The following GFOD1 variants were observed in gnomAD, a reference collection of about 807,000 sequenced individuals.
The protein encoded by GFOD1 is glucose-fructose oxidoreductase domain-containing protein 1.
In GFOD1, 9 loss-of-function variants were observed where a neutral mutation model predicts 25.4. The observed-to-expected ratio is 0.35, with a 90% confidence interval of 0.21 to 0.62. The LOEUF is 0.62. Among genes scored for constraint, GFOD1 ranks in the 20% least tolerant of loss-of-function variants. GFOD1 has a pLI of 0.72. For missense variants in GFOD1, 403 were observed against 556.9 expected (o/e 0.72, Z 2.78); for synonymous variants, 253 against 245.6 (o/e 1.03, Z -0.28).
chr6:13,389,650 A>T (rs1174462200), intron 1 of GFOD1, among the ~76,000 whole-genome samples: 1 of 152,104 alleles, frequency 6.6e-6, no homozygotes, highest in Admixed American at 6.6e-5. Flanking sequence ...CATTAGGAGA[A>T]ATACCTAATG....
chr6:13,474,667 C>T (rs1758577921), intron 1 of GFOD1, among the ~76,000 whole-genome samples: 1 of 152,212 alleles, frequency 6.6e-6, no homozygotes, highest in Non-Finnish European at 1.5e-5. Context: ...TTTCTCACCA[C>T]AGCTAACATA....
chr6:13,459,674 C>G (rs368527265), intron 1 of GFOD1, among the ~76,000 whole-genome samples: 1 of 152,078 alleles, frequency 6.6e-6, no homozygotes, highest in African/African-American at 2.4e-5. Flanking sequence ...ACAACCCCAT[C>G]AAAAAGTAGG....
At chr6:13,392,431 C>CA (rs1785633470) in intron 1 of GFOD1, among the ~76,000 whole-genome samples, 1 of 149,976 alleles carries the variant, frequency 6.7e-6, no homozygotes, top group Non-Finnish European at 1.5e-5. Context: ...ACTCCTCCAC[C>CA]AAAAAATAAA....
intron 1 of GFOD1, 85 bp downstream of exon 1, chr6:13,486,553 G>T (rs1353281149): frequency 1.3e-5 from 15 of 1,143,164 alleles, no homozygotes; most frequent in Non-Finnish European, 1.5e-5. Context: ...TCTGGGATGC[G>T]GAGAGGGAAA....
chr6:13,486,271 T>A (rs1453070420), intron 1 of GFOD1: 1 of 218,488 alleles, frequency 4.6e-6, no homozygotes, highest in Non-Finnish European at 6.6e-6. Flanking sequence ...ACACACACAC[T>A]TGGACACTAC....
At chr6:13,486,349 C>A (rs1441191942) in intron 1 of GFOD1, 2 of 462,396 alleles carry the variant, frequency 4.3e-6, no homozygotes, top group Non-Finnish European at 7.8e-6. Context: ...GGCATCTGAT[C>A]TTCCTAGTTC....
chr6:13,426,681 C>A (rs1277054723), intron 1 of GFOD1, among the ~76,000 whole-genome samples: 1 of 152,138 alleles, frequency 6.6e-6, no homozygotes, highest in Non-Finnish European at 1.5e-5. Context: ...CCTGAGGATG[C>A]GGAAGCAGAG....
intron 1 of GFOD1, among the ~76,000 whole-genome samples, chr6:13,425,434 C>T (rs1196590371): frequency 2.6e-5 from 4 of 152,128 alleles, no homozygotes; most frequent in Admixed American, 1.3e-4. Flanking sequence ...GTCCTGTGTT[C>T]TTGGCCACTA....
chr6:13,388,552 C>T (rs1584620343), intron 1 of GFOD1, among the ~76,000 whole-genome samples: 1 of 152,192 alleles, frequency 6.6e-6, no homozygotes, highest in South Asian at 2.1e-4. Flanking sequence ...GGAAAACTGG[C>T]TAGCCATATG....
chr6:13,421,976 A>C (rs986742417), intron 1 of GFOD1, among the ~76,000 whole-genome samples: 16 of 152,240 alleles, frequency 1.1e-4, no homozygotes, highest in African/African-American at 3.9e-4. Flanking sequence ...CATGAGCTAC[A>C]TAATTCCTTT....
chr6:13,470,259 C>A (rs1429973179), intron 1 of GFOD1: 1 of 1,594,858 alleles, frequency 6.3e-7, no homozygotes, highest in Admixed American at 1.7e-5. Context: ...TCATGAAGCA[C>A]ATCCCTCCTG....
At chr6:13,470,192 G>C in intron 1 of GFOD1, 1 of 1,578,828 alleles carries the variant, frequency 6.3e-7, no homozygotes, top group Non-Finnish European at 8.6e-7. Context: ...CGCGATGAAC[G>C]CATCTATCTG....
Position 13,466,638 on chromosome 6 carries a change from G to C in GFOD1, c.253+20000C>G, listed in dbSNP as rs149629581. 8.5e-3 allele frequency among the ~76,000 whole-genome samples: 1,289 copies of C among 152,286 alleles called. 7 individuals are homozygous for C. Among genetic ancestry groups the C allele is most frequent in the Non-Finnish European group, 0.012 (817 of 68,024 alleles). On this transcript the variant is annotated intron_variant, in intron 1 of 1. Coordinates refer to ENST00000379287, the MANE Select transcript of GFOD1 (RefSeq NM_018988.4). ...TGCTTGGGATGGATAATATCCCCTTGATCTGCTGCTGATGGCACAGTACTT... is the reference window on the plus strand; with the variant it reads ...TGCTTGGGATGGATAATATCCCCTTCATCTGCTGCTGATGGCACAGTACTT...
At chr6:13,373,505 G>A (rs1785189386) in intron 1 of GFOD1, among the ~76,000 whole-genome samples, 1 of 152,100 alleles carries the variant, frequency 6.6e-6, no homozygotes, top group Admixed American at 6.5e-5. Flanking sequence ...GAAAGATTAA[G>A]CAGAATTGGA....
rs145677040 is a variant in GFOD1, at chr6:13,436,047, T to C, written c.253+50591A>G. ...CGTTCTTGACTTCTAGAAACATTCATCTCTGTTATCGGGGAGTAACAGTGG... is the reference window on the plus strand; with the variant it reads ...CGTTCTTGACTTCTAGAAACATTCACCTCTGTTATCGGGGAGTAACAGTGG... On this transcript the variant is annotated intron_variant, in intron 1 of 1. Transcript: ENST00000379287. 6.1e-3 allele frequency among the ~76,000 whole-genome samples: 925 copies of C among 152,342 alleles called. 1 individual carries two copies. The highest frequency in any genetic ancestry group is 0.014 in the South Asian group (68 of 4,830).
rs58256557 is a variant in GFOD1, at chr6:13,365,878, CAATAATAAT to C, written c.254-225_254-217del. The stretch of plus-strand genomic sequence containing the variant: ...TGGGTAACACAGAGAGATCCTGTCT[CAATAATAAT>C]AATAATAATAATAATAATAATAATA... On this transcript the variant is annotated intron_variant, in intron 1 of 1. Coordinates refer to ENST00000379287, the MANE Select transcript of GFOD1 (RefSeq NM_018988.4). This position sits in a 1 kb window ranked among gnomAD's most constrained non-coding sequence, Gnocchi z 9.2. Among the ~76,000 whole-genome samples, 712 of 133,876 alleles carry C rather than the reference CAATAATAAT, an allele frequency of 5.3e-3. 4 individuals are homozygous for C. Among genetic ancestry groups the C allele is most frequent in the East Asian group, 0.014 (63 of 4,446 alleles). The allele number at this position is 133,876 out of a possible 152,430, so 87.8% of individuals were successfully genotyped here. A position where few individuals can be genotyped will look rare whatever the true frequency, so the allele number is the denominator to read the frequency against.
At position 13,360,860 on chromosome 6, in the gene GFOD1, G is replaced by C. The variant is rs1784936812; in HGVS notation, c.*3883C>G. 1 of 456,584 alleles carries C rather than the reference G, an allele frequency of 2.2e-6. No individual in the cohort carries two copies. Among genetic ancestry groups the C allele is most frequent in the African/African-American group, 2.0e-5 (1 of 50,062 alleles). The allele number at this position is 456,584 out of a possible 1,614,324, so 28.3% of individuals were successfully genotyped here. On this transcript the variant is annotated 3_prime_UTR_variant, in exon 2 of 2. Transcript: ENST00000379287. ...GCGGTTTCCTGCCTGGCAAGAACAG[G>C]AGGTGCCCACATCTCTTCCTGGGAG...
intron 1 of GFOD1, among the ~76,000 whole-genome samples, chr6:13,441,741 C>T (rs944319341): frequency 6.6e-6 from 1 of 152,036 alleles, no homozygotes; most frequent in East Asian, 1.9e-4. Flanking sequence ...AAAAATATCA[C>T]CAAACTTCTA....
At chr6:13,478,178 T>C (rs1758670494) in intron 1 of GFOD1, among the ~76,000 whole-genome samples, 1 of 152,206 alleles carries the variant, frequency 6.6e-6, no homozygotes, top group Non-Finnish European at 1.5e-5. Flanking sequence ...TTCATTTTGT[T>C]GCCCAGGCTG....
Sources: allele counts gnomAD v4.1 joint callset (sites outside exome capture counted in the v4.1 genomes callset), GRCh38; gene constraint gnomAD v4.1.1; non-coding constraint Gnocchi (gnomAD v3.1); transcripts MANE v1.5; gene names NCBI Gene and HGNC (gene_info 2026-07-23, HGNC 2026-07-21).